LIMS1: variants seen among roughly 807,000 people sequenced by gnomAD.
The protein encoded by LIMS1 is LIM zinc finger domain containing 1.
A neutral mutation model predicts 44.1 loss-of-function variants in LIMS1; 18 were observed. The ratio of observed to expected loss-of-function variants is 0.41; its 90% confidence interval spans 0.28 to 0.61. LIMS1 has a LOEUF of 0.61. Among genes scored for constraint, LIMS1 ranks in the 20% least tolerant of loss-of-function variants. The probability of loss-of-function intolerance (pLI) is 0.32; values close to 1 mark genes in which losing one functional copy is unlikely to be tolerated. For synonymous variants in LIMS1, 93 were observed against 149.1 expected, an observed-to-expected ratio of 0.62 and a Z score of 2.74; for missense variants, 201 against 422.0, an observed-to-expected ratio of 0.48 and a Z score of 4.59.
intron 1 of LIMS1, among the ~76,000 whole-genome samples, chr2:108,616,807 A>G (rs188306408): frequency 1.3e-5 from 2 of 152,268 alleles, no homozygotes; most frequent in East Asian, 3.9e-4. Flanking sequence ...CTTCAAATTT[A>G]TAGCCTAGAG....
rs947774451 is a variant in LIMS1 at position 108,662,313 on chromosome 2, T to C, written c.192+2549T>C. On this transcript the variant is annotated intron_variant, in intron 2 of 9. Coordinates refer to ENST00000544547, the Ensembl canonical transcript of LIMS1. ...GCTGCCGCATTTAGGCCCTGTCAGCTGTGAGGCCACTGGTGCTGAGTCAGA... is the reference window on the plus strand; with the variant it reads ...GCTGCCGCATTTAGGCCCTGTCAGCCGTGAGGCCACTGGTGCTGAGTCAGA... The C allele has an allele frequency of 4.3e-6, 7 of 1,611,692 alleles. No homozygotes were observed. In the African/African-American group the frequency reaches 6.7e-5, roughly 15 times the overall value.
At chr2:108,582,566 C>T (rs976316578) in intron 1 of LIMS1, among the ~76,000 whole-genome samples, 10 of 151,970 alleles carry the variant, frequency 6.6e-5, no homozygotes, top group African/African-American at 1.9e-4. Context: ...TCCAGGAGTT[C>T]GAGACCAGCC....
intron 9 of LIMS1, 162 bp downstream of exon 9, chr2:108,680,932 T>G (rs1197799955): frequency 1.0e-5 from 13 of 1,301,550 alleles, no homozygotes; most frequent in Non-Finnish European, 1.2e-5. Context: ...AACTGTTCCC[T>G]GTTCTTTCTT....
intron 1 of LIMS1, among the ~76,000 whole-genome samples, chr2:108,564,922 C>T (rs1432149138): frequency 6.6e-6 from 1 of 151,758 alleles, no homozygotes; most frequent in East Asian, 1.9e-4. Context: ...TCACTGTACC[C>T]CAAGGTTACA....
intron 1 of LIMS1, among the ~76,000 whole-genome samples, chr2:108,627,484 G>A (rs1395185036): frequency 7.7e-6 from 1 of 130,046 alleles, no homozygotes; most frequent in Non-Finnish European, 1.6e-5. Context: ...CTGTAATTTT[G>A]TTGTCAGTAC....
chr2:108,611,836 AATAT>A (rs138970063), intron 1 of LIMS1, among the ~76,000 whole-genome samples: 13 of 130,982 alleles, frequency 9.9e-5, no homozygotes, highest in African/African-American at 3.3e-4. Context: ...CATGATCTAA[AATAT>A]ATATATATAT....
exon 10 of LIMS1, chr2:108,686,033 A>G (rs952378408): frequency 6.6e-6 from 1 of 152,180 alleles, no homozygotes; most frequent in African/African-American, 2.4e-5. Context: ...CTCTTTTAAA[A>G]TATGAATTAG....
At chr2:108,597,640 T>C (rs138692178) in intron 1 of LIMS1, among the ~76,000 whole-genome samples, 1,806 of 152,084 alleles carry the variant, frequency 0.012, 41 homozygotes, top group African/African-American at 0.042. Context: ...AGAATTTCTT[T>C]GTGCATGTTT....
chr2:108,584,553 C>T (rs1686017753), intron 1 of LIMS1, among the ~76,000 whole-genome samples: 1 of 151,874 alleles, frequency 6.6e-6, no homozygotes, highest in Non-Finnish European at 1.5e-5. Flanking sequence ...GAATCTAGTC[C>T]CTGCCCTCCA....
Position 108,549,279 on chromosome 2 carries a change from CTTT to C in LIMS1, c.32+14716_32+14718del, listed in dbSNP as rs71381966. Among the ~76,000 whole-genome samples the C allele has an allele frequency of 8.8e-3, 491 of 55,544 alleles. 2 individuals are homozygous for C. Among genetic ancestry groups the C allele is most frequent in the African/African-American group, 0.032 (418 of 13,060 alleles). 36.4% of individuals were successfully genotyped at this position (55,544 alleles called of 152,430 possible). ...ATAATAATGTACAAGTAAAGTGTTT[CTTT>C]TTTTTTTTTTTTTTTTTTTTTTTTT... is the stretch of plus-strand genomic sequence containing the variant. On this transcript the variant is annotated intron_variant, in intron 1 of 9. Coordinates refer to ENST00000544547, the Ensembl canonical transcript of LIMS1.
intron 1 of LIMS1, chr2:108,607,230 C>T: frequency 6.4e-7 from 1 of 1,551,074 alleles, no homozygotes; most frequent in Non-Finnish European, 8.7e-7. Flanking sequence ...TGATGAGGGA[C>T]ACATCGAATC....
intron 1 of LIMS1, among the ~76,000 whole-genome samples, chr2:108,582,312 C>G (rs550032294): frequency 6.6e-6 from 1 of 152,296 alleles, no homozygotes; most frequent in African/African-American, 2.4e-5. Context: ...ACCATAGGCA[C>G]TAAATGGCCT....
At chr2:108,559,523 C>T (rs958008109) in intron 1 of LIMS1, among the ~76,000 whole-genome samples, 4 of 152,112 alleles carry the variant, frequency 2.6e-5, no homozygotes, top group South Asian at 2.1e-4. Flanking sequence ...TTTTAGTTTG[C>T]AGCACAGTGC....
Position 108,596,858 on chromosome 2 carries a change from A to G in LIMS1, c.32+62264A>G, listed in dbSNP as rs1234181211. ...AAATAAAAAGGAGGGGGGCATGTTG[A>G]GGAAATAGGAACTTGAAGTACTTGG... is the stretch of plus-strand genomic sequence containing the variant. On this transcript the variant is annotated intron_variant, in intron 1 of 9. Transcript: ENST00000544547. 4.0e-5 allele frequency among the ~76,000 whole-genome samples: 6 copies of G among 150,370 alleles called. No homozygotes were observed. The East Asian group carries it at 9.8e-4, about 25-fold the overall frequency.
rs1441899758 is a variant in LIMS1 at position 108,607,276 on chromosome 2, T to C, written c.33-52329T>C. On this transcript the variant is annotated intron_variant, in intron 1 of 9. Transcript: ENST00000544547. ...ACATGGTGAGTGCTGCTGCACAATA[T>C]TGAGCTGTTCCCCCTCCAAATGAAA... is the stretch of plus-strand genomic sequence containing the variant. The C allele has an allele frequency of 2.6e-6, 4 of 1,550,034 alleles. No individual in the cohort carries two copies. In the African/African-American group the frequency reaches 5.5e-5, roughly 21 times the overall value.
chr2:108,669,671 A>G (rs1247868484), intron 2 of LIMS1, among the ~76,000 whole-genome samples: 2 of 152,130 alleles, frequency 1.3e-5, no homozygotes, highest in East Asian at 1.9e-4. Flanking sequence ...CATTACTATA[A>G]CATTTCTCAC....
chr2:108,650,173 T>C (rs1487074679), intron 1 of LIMS1, among the ~76,000 whole-genome samples: 1 of 152,206 alleles, frequency 6.6e-6, no homozygotes, highest in Non-Finnish European at 1.5e-5. Context: ...GTAGTTTCAG[T>C]CAAATTTGTT....
At chr2:108,627,551 T>C (rs1319409734) in intron 1 of LIMS1, among the ~76,000 whole-genome samples, 1 of 152,152 alleles carries the variant, frequency 6.6e-6, no homozygotes, top group Non-Finnish European at 1.5e-5. Flanking sequence ...TTTCAATAAT[T>C]TGGTTGCTTT....
intron 1 of LIMS1, among the ~76,000 whole-genome samples, chr2:108,637,353 T>C (rs918397022): frequency 1.3e-5 from 2 of 152,150 alleles, no homozygotes; most frequent in African/African-American, 4.8e-5. Context: ...ATGGTTTTCT[T>C]TTACCTTATC....
Sources: gnomAD v4.1 joint callset for allele counts (sites outside exome capture counted in the v4.1 genomes callset) on GRCh38, gnomAD v4.1.1 for gene constraint, MANE v1.5 for transcripts, NCBI Gene and HGNC (gene_info 2026-07-23, HGNC 2026-07-21) for gene names.